LAMC3: variants seen among roughly 807,000 people sequenced by gnomAD.
The protein encoded by LAMC3 is laminin subunit gamma-3.
In LAMC3, 128 loss-of-function variants were observed where a neutral mutation model predicts 173.8. The observed-to-expected ratio is 0.74, with a 90% CI of 0.64 to 0.85. LAMC3 has a LOEUF of 0.85. Among genes scored for constraint, LAMC3 ranks in the 40% least tolerant of loss-of-function variants. The pLI is 0.00. For missense variants in LAMC3, 2,022 were observed against 2,156.0 expected, an observed-to-expected ratio of 0.94 and a Z score of 1.23; for synonymous variants, 897 against 909.1, an observed-to-expected ratio of 0.99 and a Z score of 0.24.
intron 1 of LAMC3, among the ~76,000 whole-genome samples, chr9:131,022,327 T>A (rs1282444322): frequency 1.3e-5 from 2 of 151,814 alleles, no homozygotes; most frequent in Non-Finnish European, 2.9e-5. Flanking sequence ...CAAGTGATCC[T>A]CCCACCTTGG....
chr9:131,009,187 A>G lies in LAMC3; in HGVS notation c.-28A>G. ...CCCACCCTAGCCGAGCGGGGCCGGC[A>G]GAGCGCGCGGCGTCGGTGCCCTTGA... On this transcript the variant is annotated 5_prime_UTR_variant, in exon 1 of 28. Transcript: ENST00000361069. This position sits in a 1 kb window ranked among gnomAD's most constrained non-coding sequence, Gnocchi z 4.3. The G allele has an allele frequency of 8.4e-7, 1 of 1,184,284 alleles. No homozygotes were observed. The highest frequency in any genetic ancestry group is 1.0e-6 in the Non-Finnish European group (1 of 959,702). The allele number at this position is 1,184,284 out of a possible 1,614,324, so 73.4% of individuals were successfully genotyped here. A position where few individuals can be genotyped will look rare whatever the true frequency, so the allele number is the denominator to read the frequency against.
Position 131,092,199 on chromosome 9 carries a change from T to G in LAMC3, c.*412T>G. Reference sequence around the variant, plus strand: ...CTGTGTGCTGGACACCCTCTGGATGTTGGGCAAGTTGTTACATGAGATGCC... The same window carrying G: ...CTGTGTGCTGGACACCCTCTGGATGGTGGGCAAGTTGTTACATGAGATGCC... On this transcript the variant is annotated 3_prime_UTR_variant, in exon 28 of 28. Transcript: ENST00000361069. 1 of 234,210 alleles carries G rather than the reference T, an allele frequency of 4.3e-6. No individual in the cohort carries two copies. The highest frequency in any genetic ancestry group is 2.2e-5 in the African/African-American group (1 of 44,750). 14.5% of individuals were successfully genotyped at this position (234,210 alleles called of 1,614,324 possible). A position where few individuals can be genotyped will look rare whatever the true frequency, so the allele number is the denominator to read the frequency against.
intron 9 of LAMC3, among the ~76,000 whole-genome samples, chr9:131,051,030 T>C (rs1834274797): frequency 1.3e-5 from 2 of 152,168 alleles, no homozygotes; most frequent in Admixed American, 1.3e-4. Flanking sequence ...AGGCCGCTTC[T>C]GCACAGGTAA....
At chr9:131,015,427 C>T (rs778381237) in intron 1 of LAMC3, among the ~76,000 whole-genome samples, 1 of 152,144 alleles carries the variant, frequency 6.6e-6, no homozygotes, top group African/African-American at 2.4e-5. Flanking sequence ...CCGGGCAAGC[C>T]CTCCCAGCAG....
intron 17 of LAMC3, among the ~76,000 whole-genome samples, 200 bp downstream of exon 17, chr9:131,070,050 T>C (rs1022245136): frequency 6.6e-6 from 1 of 152,186 alleles, no homozygotes; most frequent in African/African-American, 2.4e-5. Flanking sequence ...CTTCCCCTGC[T>C]CTAGGTGGAT....
chr9:131,075,020 T>C (rs530881160), intron 20 of LAMC3, among the ~76,000 whole-genome samples: 1 of 152,252 alleles, frequency 6.6e-6, no homozygotes, highest in South Asian at 2.1e-4. Context: ...TCCCAGCACT[T>C]TGGGAGGCTG....
chr9:131,018,875 G>A (rs1833578677), intron 1 of LAMC3, among the ~76,000 whole-genome samples: 1 of 152,140 alleles, frequency 6.6e-6, no homozygotes, highest in African/African-American at 2.4e-5. Context: ...CACCTTCCCT[G>A]GCTAATGGCT....
At chr9:131,064,534 G>A (rs1829889176) in intron 13 of LAMC3, among the ~76,000 whole-genome samples, 2 of 151,754 alleles carry the variant, frequency 1.3e-5, no homozygotes, top group South Asian at 2.1e-4. Context: ...GAGGTGGCGG[G>A]CGCCTGTAGT....
intron 27 of LAMC3, among the ~76,000 whole-genome samples, chr9:131,088,727 A>AC (rs1159227369): frequency 6.6e-6 from 1 of 151,576 alleles, no homozygotes; most frequent in Non-Finnish European, 1.5e-5. Context: ...TGAAACACTA[A>AC]CCCCCCATTT....
rs754000702 is a variant in LAMC3, at chr9:131,032,087, C to G, written c.721C>G (p.Leu241Val). ...STELLISLDR[L>V]NTFGDDIFKD... ...CGAACTCCTCATCTCTCTAGACCGGCTCAACACGTTTGGGGACGACATCTT... is the reference window on the plus strand; with the variant it reads ...CGAACTCCTCATCTCTCTAGACCGGGTCAACACGTTTGGGGACGACATCTT... The change falls in exon 3 of 28, where the codon CTC becomes GTC. Residue 241 changes from leucine (L) to valine (V), a missense_variant. Physicochemically the swap from Leu to Val is conservative, Grantham distance 32. Transcript: ENST00000361069. The G allele has an allele frequency of 1.9e-6, 3 of 1,614,030 alleles. No individual in the cohort carries two copies. Among genetic ancestry groups the G allele is most frequent in the African/African-American group, 2.7e-5 (2 of 74,904 alleles).
Position 131,029,943 on chromosome 9 carries a change from C to CTT in LAMC3, c.679-2086_679-2085dup, listed in dbSNP as rs34334770. Among the ~76,000 whole-genome samples the CTT allele has an allele frequency of 1.8e-3, 257 of 139,132 alleles. 2 individuals are homozygous for CTT. The highest frequency in any genetic ancestry group is 3.8e-3 in the Middle Eastern group (1 of 260). The allele number at this position is 139,132 out of a possible 152,430, so 91.3% of individuals were successfully genotyped here. On this transcript the variant is annotated intron_variant, in intron 2 of 27. Transcript: ENST00000361069. The surrounding 1 kb of genome is among the most constrained non-coding windows in gnomAD (Gnocchi z 4.6). ...TTCAGTGGGGATTGCCCTAAAATGACTTTTTTTTTTTTTTTTTGAGACAGT... is the reference window on the plus strand; with the variant it reads ...TTCAGTGGGGATTGCCCTAAAATGACTTTTTTTTTTTTTTTTTTTGAGACAGT...
chr9:131,062,492 G>A (rs572889388), intron 13 of LAMC3, among the ~76,000 whole-genome samples: 2 of 152,274 alleles, frequency 1.3e-5, no homozygotes, highest in Non-Finnish European at 2.9e-5. Context: ...GTGTCAGGAA[G>A]TACAATTTGC....
chr9:131,055,677 A>G (rs1033109281), intron 11 of LAMC3, among the ~76,000 whole-genome samples: 27 of 151,684 alleles, frequency 1.8e-4, no homozygotes, highest in East Asian at 3.9e-4. Flanking sequence ...CGCCCGCCTC[A>G]GCCTCCCAAA....
chr9:131,087,846 A>C (rs778729595), intron 27 of LAMC3, 29 bp downstream of exon 27: 1 of 1,584,950 alleles, frequency 6.3e-7, no homozygotes. Context: ...TGGGCCCTGA[A>C]CCCCTGGGTC....
chr9:131,048,882 A>G (rs755419011), intron 8 of LAMC3, 138 bp from the exon 9 acceptor site: 9 of 604,476 alleles, frequency 1.5e-5, no homozygotes, highest in Admixed American at 3.0e-5. Context: ...CCATGCCCCC[A>G]AGCAGATCCG....
chr9:131,060,941 C>T, intron 12 of LAMC3, 94 bp from the exon 13 acceptor site: 2 of 1,328,124 alleles, frequency 1.5e-6, no homozygotes, highest in Non-Finnish European at 2.1e-6. Flanking sequence ...CACCCCACTT[C>T]TGCCCGGGAT....
intron 1 of LAMC3, among the ~76,000 whole-genome samples, chr9:131,014,581 C>T (rs888451939): frequency 3.9e-5 from 6 of 152,214 alleles, no homozygotes; most frequent in African/African-American, 1.4e-4. Context: ...GAGGGAATGC[C>T]TGTTTTCACA....
chr9:131,036,407 C>T (rs1019656919), intron 4 of LAMC3, 75 bp downstream of exon 4: 51 of 1,554,950 alleles, frequency 3.3e-5, no homozygotes, highest in African/African-American at 9.5e-5. Context: ...CTCCCCAAAA[C>T]GTCGTGGTGG....
chr9:131,032,538 C>CTCTCTTGCTCTCTCTCGCTG (rs1833849838), intron 3 of LAMC3, among the ~76,000 whole-genome samples: 1 of 126,646 alleles, frequency 7.9e-6, no homozygotes, highest in African/African-American at 4.8e-5. Context: ...CTCGCTGTCT[C>CTCTCTTGCTCTCTCTCGCTG]TCTCTCTTGC....
Sources: allele counts gnomAD v4.1 joint callset (sites outside exome capture counted in the v4.1 genomes callset), GRCh38; gene constraint gnomAD v4.1.1; non-coding constraint Gnocchi (gnomAD v3.1); transcripts MANE v1.5; gene names NCBI Gene and HGNC (gene_info 2026-07-23, HGNC 2026-07-21).